ZP3: variants seen among roughly 807,000 people sequenced by gnomAD.
ZP3 encodes zona pellucida glycoprotein 3.
A neutral mutation model predicts 35.6 loss-of-function variants in ZP3; 21 were observed. The ratio of observed to expected loss-of-function variants is 0.59; its 90% confidence interval spans 0.42 to 0.85. ZP3 has a LOEUF of 0.85. ZP3 is among the 40% of genes least tolerant of loss of function. ZP3 has a pLI of 0.00. For synonymous variants in ZP3, 207 were observed against 214.5 expected, an observed-to-expected ratio of 0.96 and a Z score of 0.31; for missense variants, 437 against 536.5, an observed-to-expected ratio of 0.81 and a Z score of 1.83.
chr7:76,430,952 G>A (rs1169378712), intron 2 of ZP3, among the ~76,000 whole-genome samples: 1 of 152,210 alleles, frequency 6.6e-6, no homozygotes, highest in Non-Finnish European at 1.5e-5. Flanking sequence ...GCAGCCTGGG[G>A]GCTGGAGCCC....
At chr7:76,422,081 A>T (rs970474474), upstream of ZP3, among the ~76,000 whole-genome samples, 7 of 152,000 alleles carry the variant, frequency 4.6e-5, no homozygotes, top group South Asian at 1.2e-3. Flanking sequence ...TTTTTAGTAG[A>T]GACGGGGTTT....
chr7:76,407,046 C>T (rs1805057741), intron 1 of ZP3, among the ~76,000 whole-genome samples: 1 of 152,092 alleles, frequency 6.6e-6, no homozygotes, highest in Non-Finnish European at 1.5e-5. Flanking sequence ...CTGCAACCTC[C>T]ACCTCCTGGG....
At chr7:76,432,756 G>A (rs566843089) in intron 2 of ZP3, among the ~76,000 whole-genome samples, 171 bp from the exon 3 acceptor site, 2 of 152,334 alleles carry the variant, frequency 1.3e-5, no homozygotes, top group East Asian at 1.9e-4. Context: ...TCAGGAGGGT[G>A]CAGGGGCAGC....
intron 1 of ZP3, among the ~76,000 whole-genome samples, chr7:76,406,859 C>T (rs1805051961): frequency 6.6e-6 from 1 of 151,634 alleles, no homozygotes; most frequent in African/African-American, 2.4e-5. Flanking sequence ...GTCTCTCAGA[C>T]CTTCCTTCAC....
intron 1 of ZP3, among the ~76,000 whole-genome samples, chr7:76,408,671 A>T (rs964585845): frequency 7.2e-5 from 11 of 152,096 alleles, no homozygotes; most frequent in Admixed American, 3.9e-4. Context: ...GTGACCCCAG[A>T]GCCCTCTGCC....
At chr7:76,419,332 C>G (rs1209554665) in intron 1 of ZP3, among the ~76,000 whole-genome samples, 1 of 152,118 alleles carries the variant, frequency 6.6e-6, no homozygotes, top group African/African-American at 2.4e-5. Context: ...CCATTCAGAT[C>G]TTTAATCTAT....
chr7:76,419,300 A>G (rs1248228561), intron 1 of ZP3, among the ~76,000 whole-genome samples: 2 of 152,172 alleles, frequency 1.3e-5, no homozygotes, highest in Non-Finnish European at 2.9e-5. Context: ...TTTTCTTCTC[A>G]AAGTTTTAGT....
At chr7:76,429,466 A>G in intron 1 of ZP3, 49 bp from the exon 2 acceptor site, 1 of 1,577,310 alleles carries the variant, frequency 6.3e-7, no homozygotes, top group East Asian at 2.2e-5. Context: ...GCTTGGGAGT[A>G]CCCGGGCAGG....
At chr7:76,417,512 A>G (rs1189553693) in intron 1 of ZP3, among the ~76,000 whole-genome samples, 1 of 152,158 alleles carries the variant, frequency 6.6e-6, no homozygotes. Context: ...TGTGTCTGGC[A>G]CATTCTCAAA....
rs765504064 is a variant in ZP3 at position 76,405,323 on chromosome 7, T to TTTTC, written c.-67+7542_-67+7545dup. 1.5e-3 allele frequency among the ~76,000 whole-genome samples: 43 copies of TTTTC among 29,176 alleles called. 6 individuals carry two copies. The highest frequency in any genetic ancestry group is 8.3e-3 in the African/African-American group (41 of 4,924). The allele number at this position is 29,176 out of a possible 152,430, so 19.1% of individuals were successfully genotyped here. On this transcript the variant is annotated intron_variant, in intron 1 of 8. Coordinates refer to the ZP3 transcript ENST00000336517. The stretch of plus-strand genomic sequence containing the variant: ...TATATATATATATATATATGTATTT[T>TTTTC]TTTCTTTCTTTCTTTCTTTTTTTTT...
intron 5 of ZP3, among the ~76,000 whole-genome samples, chr7:76,435,082 C>G (rs1193045195): frequency 6.6e-6 from 1 of 152,214 alleles, no homozygotes; most frequent in Admixed American, 6.5e-5. Context: ...TGCGGTGGCT[C>G]GTGCCCATAA....
At chr7:76,441,057 G>A (rs1584077879) in intron 7 of ZP3, among the ~76,000 whole-genome samples, 1 of 150,984 alleles carries the variant, frequency 6.6e-6, no homozygotes, top group East Asian at 2.0e-4. Context: ...TGTAATCCCA[G>A]CTACTTGGGA....
At chr7:76,404,567 G>T in intron 1 of ZP3, 1 of 1,412,620 alleles carries the variant, frequency 7.1e-7, no homozygotes. Flanking sequence ...CGAGGTGGGA[G>T]GATTGCTTGC....
intron 1 of ZP3, among the ~76,000 whole-genome samples, chr7:76,426,293 C>A (rs1258089559): frequency 6.6e-6 from 1 of 152,144 alleles, no homozygotes; most frequent in Non-Finnish European, 1.5e-5. Flanking sequence ...CAAGGAGAGG[C>A]CTTACGGCAG....
At chr7:76,400,977 A>C in intron 1 of ZP3, 5 of 1,550,910 alleles carry the variant, frequency 3.2e-6, no homozygotes, top group Non-Finnish European at 4.4e-6. Flanking sequence ...CGGACAGGTG[A>C]GGGTGAGGAA....
intron 5 of ZP3, among the ~76,000 whole-genome samples, chr7:76,439,131 CAAAAAAAA>C (rs775953355): frequency 1.3e-5 from 1 of 75,434 alleles, no homozygotes; most frequent in African/African-American, 5.7e-5. Flanking sequence ...GACTCCACCT[CAAAAAAAA>C]AAAAAAAAAA....
intron 1 of ZP3, among the ~76,000 whole-genome samples, chr7:76,406,226 C>T (rs574577746): frequency 6.6e-6 from 1 of 152,230 alleles, no homozygotes; most frequent in Non-Finnish European, 1.5e-5. Context: ...GATCCACGCG[C>T]CTCAGCCTCC....
At chr7:76,401,738 G>C (rs1185631664) in intron 1 of ZP3, among the ~76,000 whole-genome samples, 3 of 152,116 alleles carry the variant, frequency 2.0e-5, no homozygotes, top group South Asian at 2.1e-4. Context: ...TCAATTCCCA[G>C]CTTGGAGCCC....
At chr7:76,420,685 T>G (rs1221905282), upstream of ZP3, among the ~76,000 whole-genome samples, 1 of 152,178 alleles carries the variant, frequency 6.6e-6, no homozygotes, top group Non-Finnish European at 1.5e-5. Context: ...CTCACTTGAA[T>G]CTGACACAGA....
Sources: allele counts gnomAD v4.1 joint callset (sites outside exome capture counted in the v4.1 genomes callset), GRCh38; gene constraint gnomAD v4.1.1; transcripts MANE v1.5; gene names NCBI Gene and HGNC (gene_info 2026-07-23, HGNC 2026-07-21).